MSRA: variants seen among roughly 807,000 people sequenced by gnomAD.
The protein encoded by MSRA is mitochondrial peptide methionine sulfoxide reductase.
A neutral mutation model predicts 31.3 loss-of-function variants in MSRA; 54 were observed. The observed-to-expected ratio is 1.73, with a 90% CI of 1.39 to 2.17. The LOEUF is 2.17. Among genes scored for constraint, MSRA ranks in the 30% most tolerant of loss-of-function variants. MSRA has a pLI of 0.00. For missense variants in MSRA, 507 were observed against 300.9 expected (o/e 1.69, Z -5.07); for synonymous variants, 169 against 116.5 (o/e 1.45, Z -2.90).
intron 2 of MSRA, among the ~76,000 whole-genome samples, chr8:10,233,261 C>G (rs1247754249): frequency 6.6e-6 from 1 of 152,186 alleles, no homozygotes; most frequent in Admixed American, 6.5e-5. Flanking sequence ...AAGTGCTTCT[C>G]TCTTCTTGCC....
intron 2 of MSRA, among the ~76,000 whole-genome samples, chr8:10,237,239 G>T (rs888391449): frequency 1.3e-5 from 2 of 152,210 alleles, no homozygotes; most frequent in Non-Finnish European, 2.9e-5. Context: ...TGGTGTGGGG[G>T]TGGAGCGCAA....
rs1798965318 is a variant in MSRA, at chr8:10,270,377, T to G, written c.331+25154T>G. On this transcript the variant is annotated intron_variant, in intron 3 of 5. Coordinates refer to ENST00000317173, the MANE Select transcript of MSRA (RefSeq NM_012331.5). The stretch of plus-strand genomic sequence containing the variant: ...ATTTCTATTCGTTTTCCATAGAAAT[T>G]ATGTGTGTCTGCTTTTGAAGAAGCA... Among the ~76,000 whole-genome samples the G allele has an allele frequency of 2.0e-5, 3 of 149,182 alleles. No homozygotes were observed. The South Asian group carries it at 6.5e-4, about 32-fold the overall frequency.
Position 10,418,359 on chromosome 8 carries a change from A to T in MSRA, c.544-9789A>T, listed in dbSNP as rs147142036. ...ACAAGGGCCTTCAAACTGTGATGGA[A>T]ATGAGGGTCATCTGTCTTGGAAATA... On this transcript the variant is annotated intron_variant, in intron 5 of 5. Transcript: ENST00000317173. Among the ~76,000 whole-genome samples the T allele has an allele frequency of 3.9e-5, 6 of 152,238 alleles. No homozygotes were observed. The East Asian group carries it at 1.2e-3, about 29-fold the overall frequency.
intron 3 of MSRA, among the ~76,000 whole-genome samples, chr8:10,252,705 G>A (rs1797980389): frequency 6.6e-6 from 1 of 152,208 alleles, no homozygotes. Context: ...AAATTGATTT[G>A]TCCACGAAGC....
chr8:10,145,413 G>T (rs536183216), intron 1 of MSRA, among the ~76,000 whole-genome samples: 10 of 152,316 alleles, frequency 6.6e-5, no homozygotes, highest in African/African-American at 2.4e-4. Flanking sequence ...TGTTAAGGCA[G>T]CATCTCGCTT....
chr8:10,178,733 G>A (rs1267106422), intron 1 of MSRA, among the ~76,000 whole-genome samples: 1 of 152,174 alleles, frequency 6.6e-6, no homozygotes, highest in Non-Finnish European at 1.5e-5. Context: ...AGGCTGTGAT[G>A]TTGAAAGATT....
chr8:10,199,083 T>G (rs1808252480), intron 1 of MSRA, among the ~76,000 whole-genome samples: 1 of 152,222 alleles, frequency 6.6e-6, no homozygotes, highest in Admixed American at 6.5e-5. Flanking sequence ...CCATCATTCC[T>G]CCCTTTGTCT....
At chr8:10,370,783 G>T (rs1046555238) in intron 5 of MSRA, among the ~76,000 whole-genome samples, 1 of 152,242 alleles carries the variant, frequency 6.6e-6, no homozygotes. Flanking sequence ...ATTCACTGAA[G>T]AGGTCCTGTG....
intron 1 of MSRA, among the ~76,000 whole-genome samples, chr8:10,108,610 A>G (rs1352856531): frequency 1.3e-5 from 2 of 152,168 alleles, no homozygotes; most frequent in African/African-American, 2.4e-5. Flanking sequence ...TTCATTTTAT[A>G]AACACCCCGA....
chr8:10,214,573 C>A (rs754696074), intron 2 of MSRA, among the ~76,000 whole-genome samples: 12 of 150,946 alleles, frequency 7.9e-5, no homozygotes, highest in Non-Finnish European at 1.6e-4. Flanking sequence ...CTGAAAACTA[C>A]TGAAGCCCAT....
intron 1 of MSRA, among the ~76,000 whole-genome samples, chr8:10,120,879 A>T (rs1801060212): frequency 6.6e-6 from 1 of 152,162 alleles, no homozygotes; most frequent in Non-Finnish European, 1.5e-5. Flanking sequence ...CATGATTTGC[A>T]TGTTTACCAA....
At chr8:10,101,896 A>G (rs1001833890) in intron 1 of MSRA, among the ~76,000 whole-genome samples, 3 of 152,152 alleles carry the variant, frequency 2.0e-5, no homozygotes, top group Non-Finnish European at 4.4e-5. Context: ...TCTTTTGAGT[A>G]TATCCCCAAA....
intron 1 of MSRA, among the ~76,000 whole-genome samples, chr8:10,161,138 A>G (rs2129042051): frequency 6.6e-6 from 1 of 152,370 alleles, no homozygotes; most frequent in South Asian, 2.1e-4. Context: ...TGTGAATTCT[A>G]ATGAAAACAT....
At chr8:10,329,169 A>G (rs1802547274) in intron 5 of MSRA, among the ~76,000 whole-genome samples, 1 of 152,246 alleles carries the variant, frequency 6.6e-6, no homozygotes, top group African/African-American at 2.4e-5. Context: ...TATAGCTACT[A>G]TAACAAATTA....
At chr8:10,358,861 G>A (rs559534815) in intron 5 of MSRA, among the ~76,000 whole-genome samples, 1 of 152,064 alleles carries the variant, frequency 6.6e-6, no homozygotes, top group South Asian at 2.1e-4. Flanking sequence ...CAAAGTGCTG[G>A]GATTACAGGC....
intron 2 of MSRA, among the ~76,000 whole-genome samples, chr8:10,228,741 A>T (rs1563244376): frequency 6.6e-6 from 1 of 152,132 alleles, no homozygotes; most frequent in Non-Finnish European, 1.5e-5. Flanking sequence ...ACCTCTCTGA[A>T]TCTCTGTTTT....
chr8:10,131,429 G>A (rs1210404755), intron 1 of MSRA, among the ~76,000 whole-genome samples: 1 of 152,230 alleles, frequency 6.6e-6, no homozygotes, highest in Non-Finnish European at 1.5e-5. Flanking sequence ...AGGAAGAAAA[G>A]AAGACTTATT....
chr8:10,088,912 T>C (rs567642834), intron 1 of MSRA, among the ~76,000 whole-genome samples: 3 of 152,238 alleles, frequency 2.0e-5, no homozygotes, highest in African/African-American at 4.8e-5. Context: ...ATCTCACTTA[T>C]ATGAAATATT....
intron 5 of MSRA, among the ~76,000 whole-genome samples, chr8:10,369,450 A>G (rs1002202263): frequency 3.9e-5 from 6 of 152,240 alleles, no homozygotes; most frequent in Admixed American, 1.3e-4. Context: ...TAGAGCAAAC[A>G]AAATGCCATC....
Sources: allele counts gnomAD v4.1 joint callset (sites outside exome capture counted in the v4.1 genomes callset), GRCh38; gene constraint gnomAD v4.1.1; transcripts MANE v1.5; gene names NCBI Gene and HGNC (gene_info 2026-07-23, HGNC 2026-07-21).